Variants in TIAM2 observed in about 807,000 individuals in gnomAD.
TIAM2 encodes TIAM Rac1 associated GEF 2.
Under a neutral mutation model 152.9 loss-of-function variants are expected in TIAM2, and 80 were observed. The ratio of observed to expected loss-of-function variants is 0.52; its 90% CI spans 0.44 to 0.63. TIAM2 has a LOEUF of 0.63. TIAM2 is among the 30% of genes least tolerant of loss of function. The pLI, the probability that TIAM2 is intolerant of heterozygous loss-of-function variation, is 0.00. For missense variants in TIAM2, 1,965 were observed against 2,120.1 expected (o/e 0.93, Z 1.44); for synonymous variants, 804 against 838.0 (o/e 0.96, Z 0.70).
chr6:155,251,836 G>A, intron 22 of TIAM2, 109 bp from the exon 23 acceptor site: 1 of 829,372 alleles, frequency 1.2e-6, no homozygotes, highest in Non-Finnish European at 1.9e-6. Context: ...TGAGGTCTTA[G>A]AGACTCATAC....
At chr6:155,056,167 C>CTTTTTTTTTTTTTTTTT (rs763205169) in intron 1 of TIAM2, among the ~76,000 whole-genome samples, 1 of 98,612 alleles carries the variant, frequency 1.0e-5, no homozygotes, top group Non-Finnish European at 1.9e-5. Flanking sequence ...TATTGTTCTT[C>CTTTTTTTTTTTTTTTTT]TTTTTTTTTT....
intron 2 of TIAM2, among the ~76,000 whole-genome samples, chr6:155,123,893 G>A (rs955453997): frequency 3.3e-5 from 5 of 152,242 alleles, no homozygotes; most frequent in Admixed American, 2.0e-4. Flanking sequence ...GTGACAGTCT[G>A]AGTGGCAGCA....
chr6:155,236,358 T>G (rs1314587474), intron 15 of TIAM2, among the ~76,000 whole-genome samples: 1 of 147,278 alleles, frequency 6.8e-6, no homozygotes, highest in East Asian at 2.0e-4. Context: ...CCTGGGGGAG[T>G]TTTTTTAAGA....
At chr6:155,091,465 T>C (rs1208765361) in intron 2 of TIAM2, among the ~76,000 whole-genome samples, 1 of 152,222 alleles carries the variant, frequency 6.6e-6, no homozygotes, top group Non-Finnish European at 1.5e-5. Context: ...AATTGCTCAA[T>C]GTCACATGGT....
At chr6:155,254,204 T>C (rs749144368) in intron 25 of TIAM2, 144 bp downstream of exon 25, 17 of 1,001,094 alleles carry the variant, frequency 1.7e-5, no homozygotes, top group Admixed American at 2.7e-5. Context: ...CTGAGGCCGC[T>C]AGTAGGAGAC....
Position 155,209,574 on chromosome 6 carries a change from G to T in TIAM2, c.3065-1630G>T, listed in dbSNP as rs992915522. 3.3e-5 allele frequency among the ~76,000 whole-genome samples: 5 copies of T among 152,140 alleles called. No individual in the cohort carries two copies. The South Asian group carries it at 6.2e-4, about 19-fold the overall frequency. On this transcript the variant is annotated intron_variant, in intron 14 of 26. Transcript: ENST00000682666. ...GGCCCAAGTCTGCTTGCTTGTCATG[G>T]CTACTCAAAATTTCCCCAGGGACCC...
intron 9 of TIAM2, among the ~76,000 whole-genome samples, chr6:155,173,466 G>A (rs1427628225): frequency 6.6e-6 from 1 of 152,074 alleles, no homozygotes; most frequent in Non-Finnish European, 1.5e-5. Context: ...CTTTTCTCTT[G>A]TCCAGAACTT....
chr6:155,152,452 C>A (rs766884989), intron 7 of TIAM2, among the ~76,000 whole-genome samples: 1 of 152,164 alleles, frequency 6.6e-6, no homozygotes, highest in Non-Finnish European at 1.5e-5. Flanking sequence ...CGTACCTCCC[C>A]GCTCTCTGTC....
intron 2 of TIAM2, among the ~76,000 whole-genome samples, chr6:155,094,990 C>G (rs1778390258): frequency 6.6e-6 from 1 of 151,964 alleles, no homozygotes; most frequent in Non-Finnish European, 1.5e-5. Flanking sequence ...CCCTCTTTTT[C>G]AGTTCTCCAT....
chr6:155,078,458 TCA>T (rs1778000767), intron 1 of TIAM2, among the ~76,000 whole-genome samples: 1 of 152,208 alleles, frequency 6.6e-6, no homozygotes, highest in African/African-American at 2.4e-5. Context: ...CATGGGACCA[TCA>T]GACTTGGTGC....
At chr6:155,092,785 G>A (rs1778333428) in intron 2 of TIAM2, among the ~76,000 whole-genome samples, 1 of 152,138 alleles carries the variant, frequency 6.6e-6, no homozygotes, top group Admixed American at 6.5e-5. Context: ...AACCTGGGAG[G>A]CAGAGGTTGT....
chr6:155,249,783 T>C (rs1310744152), intron 20 of TIAM2, 68 bp from the exon 21 acceptor site: 2 of 1,341,466 alleles, frequency 1.5e-6, no homozygotes, highest in Admixed American at 2.0e-5. Context: ...ACTCCATTCA[T>C]TATTACTGTT....
rs1188959564 is a variant in TIAM2 at position 155,129,278 on chromosome 6, A to G, written c.55A>G (p.Thr19Ala). The G allele has an allele frequency of 2.5e-6, 4 of 1,614,240 alleles. 1 individual carries two copies. The highest frequency in any genetic ancestry group is 2.2e-5 in the South Asian group (2 of 91,086). The change falls in exon 4 of 27, where the codon ACT becomes GCT. Residue 19 changes from threonine (T) to alanine (A), a missense_variant. Physicochemically the swap from Thr to Ala is moderately conservative, Grantham distance 58. Around this residue, in one of 3 missense-constraint regions of TIAM2, gnomAD observed 1,025 missense variants for 1,119.4 expected, o/e 0.92. Transcript: ENST00000682666. This position sits in a 1 kb window ranked among gnomAD's most constrained non-coding sequence, Gnocchi z 4.8. ...TCAAGGATCTAAAAATCATAGCAATACTATTACTGGTGCTAAGCAAATTCC... is the reference window on the plus strand; with the variant it reads ...TCAAGGATCTAAAAATCATAGCAATGCTATTACTGGTGCTAAGCAAATTCC... ...TLQGSKNHSN[T>A]ITGAKQIPCS...
chr6:155,232,098 CAAAAA>C (rs147501283), intron 15 of TIAM2, among the ~76,000 whole-genome samples: 7 of 136,544 alleles, frequency 5.1e-5, no homozygotes, highest in East Asian at 2.8e-4. Context: ...AAAACAAAAA[CAAAAA>C]AAAACAAAAA....
chr6:155,220,379 A>AT (rs199543890), intron 15 of TIAM2, among the ~76,000 whole-genome samples: 2 of 152,216 alleles, frequency 1.3e-5, no homozygotes, highest in East Asian at 3.9e-4. Context: ...GCAGAGTATC[A>AT]TGCAAGGCAG....
At chr6:155,084,065 C>T (rs1296820850) in intron 1 of TIAM2, among the ~76,000 whole-genome samples, 1 of 152,166 alleles carries the variant, frequency 6.6e-6, no homozygotes, top group South Asian at 2.1e-4. Context: ...ACTTACTGAC[C>T]TGTTTTAAAA....
chr6:155,226,675 C>T (rs9480093), intron 15 of TIAM2, among the ~76,000 whole-genome samples: 27,520 of 81,242 alleles, frequency 0.34, 2,591 homozygotes, highest in African/African-American at 0.43. Context: ...CGGGTGGGGG[C>T]GGGGGGCAGG....
At chr6:155,151,131 C>G (rs1779947141) in intron 7 of TIAM2, among the ~76,000 whole-genome samples, 1 of 152,172 alleles carries the variant, frequency 6.6e-6, no homozygotes, top group South Asian at 2.1e-4. Flanking sequence ...AGCATTCAGT[C>G]AAGGAGATGG....
At chr6:155,198,043 G>T (rs1357756623) in intron 14 of TIAM2, among the ~76,000 whole-genome samples, 1 of 152,204 alleles carries the variant, frequency 6.6e-6, no homozygotes, top group Admixed American at 6.5e-5. Flanking sequence ...GAAGTTCACA[G>T]AACCTGAATA....
Sources: allele counts gnomAD v4.1 joint callset (sites outside exome capture counted in the v4.1 genomes callset), GRCh38; gene constraint gnomAD v4.1.1; regional missense constraint gnomAD v4.1.1; non-coding constraint Gnocchi (gnomAD v3.1); transcripts MANE v1.5; gene names NCBI Gene and HGNC (gene_info 2026-07-23, HGNC 2026-07-21).